ADGRG7: variants seen among roughly 807,000 people sequenced by gnomAD.
The protein encoded by ADGRG7 is adhesion G protein-coupled receptor G7, also known as G-protein coupled receptor 128.
In ADGRG7, 82 loss-of-function variants were observed where a neutral mutation model predicts 88.6. The observed-to-expected ratio is 0.93, with a 90% confidence interval of 0.77 to 1.11. The LOEUF (loss-of-function observed/expected upper bound fraction) is 1.11. Among genes scored for constraint, ADGRG7 ranks in the 50% most tolerant of loss-of-function variants. The probability of loss-of-function intolerance (pLI) is 0.00; values close to 1 mark genes in which losing one functional copy is unlikely to be tolerated. For missense variants in ADGRG7, 945 were observed against 953.4 expected (o/e 0.99, Z 0.12); for synonymous variants, 381 against 345.2 (o/e 1.10, Z -1.15).
rs2094955044 is a variant in ADGRG7, at chr3:100,669,064, A to G, written c.2095A>G (p.Ile699Val). The G allele has an allele frequency of 4.4e-6, 7 of 1,599,628 alleles. No homozygotes were observed. In the East Asian group the frequency reaches 1.4e-4, roughly 31 times the overall value. Residue 699 changes from isoleucine to valine, a missense_variant, in exon 15 of 16, where the codon ATC (isoleucine) becomes GTC (valine). Ile to Val is a conservative substitution (Grantham distance 29). Coordinates refer to ENST00000273352, the MANE Select transcript of ADGRG7 (RefSeq NM_032787.3). ...LMLVNDDSIR[I>V]VFSYIFCLFN... ...GCTAGTTAATGATGATAGCATCAGGATCGTCTTCAGCTACATATTCTGCCT... is the reference window on the plus strand; with the variant it reads ...GCTAGTTAATGATGATAGCATCAGGGTCGTCTTCAGCTACATATTCTGCCT...
intron 15 of ADGRG7, among the ~76,000 whole-genome samples, chr3:100,689,193 T>C (rs1255598958): frequency 6.6e-6 from 1 of 152,210 alleles, no homozygotes; most frequent in East Asian, 1.9e-4. Flanking sequence ...GAGACTAGGA[T>C]TGCAACCCCT....
At chr3:100,682,594 C>T (rs2094975008) in intron 15 of ADGRG7, among the ~76,000 whole-genome samples, 1 of 152,214 alleles carries the variant, frequency 6.6e-6, no homozygotes, top group Admixed American at 6.5e-5. Context: ...GAAGTGACCT[C>T]CAGTCAGGGC....
chr3:100,648,986 A>G (rs1388345607), intron 10 of ADGRG7, among the ~76,000 whole-genome samples: 7 of 152,206 alleles, frequency 4.6e-5, no homozygotes, highest in Non-Finnish European at 1.0e-4. Flanking sequence ...TTCCTTTAAA[A>G]AATTAACAGG....
At position 100,612,892 on chromosome 3, in the gene ADGRG7, T is replaced by G. The variant is rs1707173769; in HGVS notation, c.115+2921T>G. 2.0e-5 allele frequency among the ~76,000 whole-genome samples: 3 copies of G among 152,172 alleles called. No individual in the cohort carries two copies. The South Asian group carries it at 6.2e-4, about 32-fold the overall frequency. ...TAGCATTGATAATTTTTGTTGATGTTGTTTTATTTTTGTTTTGAGAAGGAG... is the reference window on the plus strand; with the variant it reads ...TAGCATTGATAATTTTTGTTGATGTGGTTTTATTTTTGTTTTGAGAAGGAG... On this transcript the variant is annotated intron_variant, in intron 1 of 15. Transcript: ENST00000273352.
At chr3:100,658,151 C>T (rs2094940113) in intron 13 of ADGRG7, among the ~76,000 whole-genome samples, 1 of 152,146 alleles carries the variant, frequency 6.6e-6, no homozygotes, top group Non-Finnish European at 1.5e-5. Context: ...CTTCTAGGTG[C>T]TCAGATTTTG....
At position 100,633,266 on chromosome 3, in the gene ADGRG7, G is replaced by C. The variant is rs114672200; in HGVS notation, c.336G>C (p.Ala112=). 1 of 1,430,226 alleles carries C rather than the reference G, an allele frequency of 7.0e-7. No homozygotes were observed. The highest frequency in any genetic ancestry group is 9.2e-7 in the Non-Finnish European group (1 of 1,085,262). 88.6% of individuals were successfully genotyped at this position (1,430,226 alleles called of 1,614,324 possible). A position where few individuals can be genotyped will look rare whatever the true frequency, so the allele number is the denominator to read the frequency against. Residue 112 remains alanine, a splice_region_variant and synonymous_variant, in exon 4 of 16, where the codon GCG becomes GCC. Coordinates refer to ENST00000273352, the MANE Select transcript of ADGRG7 (RefSeq NM_032787.3). ...ATAAAAAATTTCTTTGTATTAAAGC[G>C]GGCAATCCAATGGCAGTCCGGTTGT... The part of the protein sequence containing the change: ...LQTCGKDTPN[A]GNPMAVRLCS...
Position 100,643,548 on chromosome 3 carries a change from T to C in ADGRG7, c.861T>C (p.Ser287=). The change falls in exon 8 of 16, where the codon TCT becomes TCC. Residue 287 remains serine (S), a synonymous_variant. Transcript: ENST00000273352. ...TAGGAGCTAGCAGTTCTCTAGTTTCTAGTTCAACATTTATACATACAAATG... is the reference window on the plus strand; with the variant it reads ...TAGGAGCTAGCAGTTCTCTAGTTTCCAGTTCAACATTTATACATACAAATG... The part of the protein sequence containing the change: ...VQKGASSSLV[S]SSTFIHTNVD... 1 of 1,613,664 alleles carries C rather than the reference T, an allele frequency of 6.2e-7. No individual in the cohort carries two copies. Among genetic ancestry groups the C allele is most frequent in the Non-Finnish European group, 8.5e-7 (1 of 1,179,800 alleles).
chr3:100,677,925 T>G (rs1011915999), intron 15 of ADGRG7, among the ~76,000 whole-genome samples: 1 of 152,148 alleles, frequency 6.6e-6, no homozygotes, highest in African/African-American at 2.4e-5. Flanking sequence ...ATCTGCTTGG[T>G]GTTCTATAAT....
intron 1 of ADGRG7, among the ~76,000 whole-genome samples, chr3:100,617,902 C>A (rs1707248244): frequency 6.6e-6 from 1 of 152,092 alleles, no homozygotes; most frequent in African/African-American, 2.4e-5. Context: ...TTCATGATCG[C>A]CATTGTAACT....
At position 100,654,619 on chromosome 3, in the gene ADGRG7, G is replaced by C. The variant is rs376468533; in HGVS notation, c.1380-216G>C. Reference sequence around the variant, plus strand: ...GTTTCAAGAAAAGATATGTCAACCTGTATCCTTTAACTCATGACTTTGTGG... The same window carrying C: ...GTTTCAAGAAAAGATATGTCAACCTCTATCCTTTAACTCATGACTTTGTGG... On this transcript the variant is annotated intron_variant, in intron 11 of 15. Coordinates refer to ENST00000273352, the MANE Select transcript of ADGRG7 (RefSeq NM_032787.3). 6.5e-5 allele frequency: 30 copies of C among 460,630 alleles called. No homozygotes were observed. In the East Asian group the frequency reaches 7.3e-4, roughly 11 times the overall value. 28.5% of individuals were successfully genotyped at this position (460,630 alleles called of 1,614,324 possible).
Position 100,656,060 on chromosome 3 carries a change from G to A in ADGRG7, c.1823+65G>A, listed in dbSNP as rs984498829. On this transcript the variant is annotated intron_variant, in intron 13 of 15. Transcript: ENST00000273352. ...AAAAGTGTAACTGTTCAGTGATATT[G>A]ACTCCGAGTGTCACTGTAATTTGCA... 13 of 883,110 alleles carry A rather than the reference G, an allele frequency of 1.5e-5. No homozygotes were observed. The African/African-American group carries it at 2.1e-4, about 14-fold the overall frequency. 54.7% of individuals were successfully genotyped at this position (883,110 alleles called of 1,614,324 possible).
intron 10 of ADGRG7, 61 bp from the exon 11 acceptor site, chr3:100,649,634 G>A: frequency 1.1e-6 from 1 of 875,512 alleles, no homozygotes; most frequent in Non-Finnish European, 1.9e-6. Flanking sequence ...CTGTGATGTT[G>A]ACTTTCATTA....
At position 100,694,821 on chromosome 3, in the gene ADGRG7, A is replaced by G. The variant is rs374156625; in HGVS notation, c.2214A>G (p.Leu738=). ...QSEASKVLML[L]SSIGRRKSLP... is the part of the protein sequence containing the mutation. ...AAGCTTCCAAAGTGTTGATGTTGCTATCGTCTATTGGGAGAAGGAAGTCAT... is the reference window on the plus strand; with the variant it reads ...AAGCTTCCAAAGTGTTGATGTTGCTGTCGTCTATTGGGAGAAGGAAGTCAT... The change falls in exon 16 of 16, where the codon CTA becomes CTG. Residue 738 remains leucine (L), a synonymous_variant. Transcript: ENST00000273352. 36 of 1,614,164 alleles carry G rather than the reference A, an allele frequency of 2.2e-5. No individual in the cohort carries two copies. The highest frequency in any genetic ancestry group is 2.0e-4 in the East Asian group (9 of 44,886).
At chr3:100,685,893 AATG>A (rs1393899400) in intron 15 of ADGRG7, among the ~76,000 whole-genome samples, 5 of 152,144 alleles carry the variant, frequency 3.3e-5, no homozygotes, top group Admixed American at 2.0e-4. Context: ...TACACCCAGT[AATG>A]GGATGGCTGG....
At chr3:100,673,083 T>C (rs925329504) in intron 15 of ADGRG7, among the ~76,000 whole-genome samples, 7 of 152,160 alleles carry the variant, frequency 4.6e-5, no homozygotes, top group Non-Finnish European at 5.9e-5. Context: ...CTAAAATGAG[T>C]TACGGAGAAT....
At chr3:100,671,037 C>A (rs181525659) in intron 15 of ADGRG7, among the ~76,000 whole-genome samples, 1 of 152,270 alleles carries the variant, frequency 6.6e-6, no homozygotes, top group African/African-American at 2.4e-5. Context: ...TTTATAGCAG[C>A]ATGATTTATA....
At chr3:100,678,122 T>C (rs2094968048) in intron 15 of ADGRG7, among the ~76,000 whole-genome samples, 1 of 152,070 alleles carries the variant, frequency 6.6e-6, no homozygotes. Flanking sequence ...TATTCTTTTT[T>C]CTTCTGTCTC....
chr3:100,634,260 T>G (rs1707499857), intron 4 of ADGRG7, among the ~76,000 whole-genome samples: 1 of 152,216 alleles, frequency 6.6e-6, no homozygotes, highest in Non-Finnish European at 1.5e-5. Context: ...TTCATGTGCC[T>G]GGCATGTTGC....
chr3:100,692,127 C>G (rs1463084562), intron 15 of ADGRG7, among the ~76,000 whole-genome samples: 1 of 152,188 alleles, frequency 6.6e-6, no homozygotes, highest in African/African-American at 2.4e-5. Flanking sequence ...TTAGGAAGGG[C>G]ATTTGATCAG....
Sources: allele counts gnomAD v4.1 joint callset (sites outside exome capture counted in the v4.1 genomes callset), GRCh38; gene constraint gnomAD v4.1.1; transcripts MANE v1.5; gene names NCBI Gene and HGNC (gene_info 2026-07-23, HGNC 2026-07-21).